TJP2: variants seen among roughly 807,000 people sequenced by gnomAD.
The protein encoded by TJP2 is Friedreich ataxia region gene X104 (tight junction protein ZO-2).
TJP2 carries 91 observed loss-of-function variants against 133.1 expected under a neutral mutation model. The observed-to-expected ratio is 0.68, with a 90% CI of 0.58 to 0.81. The LOEUF (loss-of-function observed/expected upper bound fraction) is 0.81. Among genes scored for constraint, TJP2 ranks in the 40% least tolerant of loss-of-function variants. TJP2 has a pLI of 0.00. For missense variants in TJP2, 1,541 were observed against 1,565.6 expected (o/e 0.98, Z 0.26); for synonymous variants, 592 against 583.4 (o/e 1.01, Z -0.21).
intron 17 of TJP2, among the ~76,000 whole-genome samples, chr9:69,245,253 A>T (rs547144290): frequency 9.2e-5 from 14 of 152,370 alleles, no homozygotes; most frequent in African/African-American, 2.9e-4. Flanking sequence ...TCACTGTTAG[A>T]ACTTCTTAAA....
chr9:69,161,088 C>G (rs1395437238), intron 2 of TJP2, among the ~76,000 whole-genome samples: 11 of 152,120 alleles, frequency 7.2e-5, no homozygotes, highest in Non-Finnish European at 1.6e-4. Flanking sequence ...GGTGTGGTCA[C>G]AAAAACCAAA....
intron 1 of TJP2, chr9:69,145,772 ACTT>A (rs1823186624): frequency 1.7e-5 from 21 of 1,231,978 alleles, no homozygotes; most frequent in Non-Finnish European, 2.0e-5. Context: ...ACAAAAGAGA[ACTT>A]CTACCTGAGA....
upstream of TJP2, among the ~76,000 whole-genome samples, chr9:69,169,919 G>A (rs754855035): frequency 2.0e-5 from 3 of 152,036 alleles, no homozygotes; most frequent in Non-Finnish European, 4.4e-5. Flanking sequence ...ATAGCTTACT[G>A]CAGCCTCAAA....
At chr9:69,145,797 G>A (rs997462574) in intron 1 of TJP2, 1 of 1,232,066 alleles carries the variant, frequency 8.1e-7, no homozygotes, top group Admixed American at 4.2e-5. Context: ...CAGAAGACAC[G>A]TGAACCTTTG....
In TJP2 at chr9:69,123,208, C is replaced by CT. The variant is rs1451615587; in HGVS notation, c.-131+1484dup. ...AATCTTTGTTTTGCCCACCAGGACA[C>CT]TCTACAGCCGCATGGGTTAGAGCAC... is the stretch of plus-strand genomic sequence containing the variant. On this transcript the variant is annotated intron_variant, in intron 1 of 5. Coordinates refer to the TJP2 transcript ENST00000423935. Among the ~76,000 whole-genome samples, 468 of 102,016 alleles carry CT rather than the reference C, an allele frequency of 4.6e-3. 37 individuals are homozygous for CT. Among genetic ancestry groups the CT allele is most frequent in the Admixed American group, 7.3e-3 (64 of 8,710 alleles). The allele number at this position is 102,016 out of a possible 152,430, so 66.9% of individuals were successfully genotyped here. A position where few individuals can be genotyped will look rare whatever the true frequency, so the allele number is the denominator to read the frequency against.
At chr9:69,188,723 T>C (rs7850766) in intron 1 of TJP2, among the ~76,000 whole-genome samples, 70,570 of 151,928 alleles carry the variant, frequency 0.46, 16,645 homozygotes, top group South Asian at 0.53. Flanking sequence ...AGGTATTAAG[T>C]GATTATGTAT....
upstream of TJP2, among the ~76,000 whole-genome samples, chr9:69,173,698 A>G (rs73449163): frequency 0.016 from 2,509 of 152,286 alleles, 60 homozygotes; most frequent in African/African-American, 0.057. Flanking sequence ...GACAGGACCT[A>G]AAACTTTGAG....
upstream of TJP2, among the ~76,000 whole-genome samples, chr9:69,173,801 G>T (rs1467258707): frequency 6.6e-6 from 1 of 152,092 alleles, no homozygotes; most frequent in East Asian, 1.9e-4. Flanking sequence ...GGATGCCCCC[G>T]CGACCTCACC....
chr9:69,169,965 C>T (rs747655332), upstream of TJP2, among the ~76,000 whole-genome samples: 4 of 152,090 alleles, frequency 2.6e-5, no homozygotes, highest in African/African-American at 7.2e-5. Context: ...CCTCAGTCCT[C>T]GAGTAGCTGG....
intron 1 of TJP2, among the ~76,000 whole-genome samples, chr9:69,142,403 C>G (rs182237069): frequency 2.6e-5 from 4 of 152,222 alleles, no homozygotes; most frequent in Admixed American, 2.6e-4. Flanking sequence ...GCTTTTCTTA[C>G]AGTGTATTGG....
chr9:69,141,869 G>T (rs751864753), intron 1 of TJP2, among the ~76,000 whole-genome samples: 1 of 152,234 alleles, frequency 6.6e-6, no homozygotes, highest in Admixed American at 6.5e-5. Flanking sequence ...GATTACAGGC[G>T]TGAGCCACAG....
intron 9 of TJP2, among the ~76,000 whole-genome samples, chr9:69,228,695 C>G (rs1829535829): frequency 6.6e-6 from 1 of 152,012 alleles, no homozygotes. Context: ...ATGGAAGAGG[C>G]CTTCCTTTCT....
At chr9:69,187,650 C>A (rs1394881439) in intron 1 of TJP2, among the ~76,000 whole-genome samples, 2 of 152,328 alleles carry the variant, frequency 1.3e-5, no homozygotes, top group Non-Finnish European at 1.5e-5. Context: ...TTCAGAAGAT[C>A]GGTGTGTTTT....
At chr9:69,225,702 T>A (rs1056080246) in intron 6 of TJP2, among the ~76,000 whole-genome samples, 21 of 152,232 alleles carry the variant, frequency 1.4e-4, no homozygotes, top group African/African-American at 4.6e-4. Context: ...GAAGGAAAGT[T>A]GGTGATATAT....
chr9:69,148,509 G>C (rs1329856010), intron 1 of TJP2, among the ~76,000 whole-genome samples: 2 of 137,816 alleles, frequency 1.5e-5, no homozygotes, highest in Non-Finnish European at 3.1e-5. Flanking sequence ...CAAGTAGCTG[G>C]GACTACAGAT....
intron 15 of TJP2, 95 bp from the exon 16 acceptor site, chr9:69,238,615 G>A (rs1830365043): frequency 2.2e-6 from 2 of 928,152 alleles, no homozygotes; most frequent in East Asian, 2.6e-5. Flanking sequence ...GACACTTAAT[G>A]TCAGGTGTGC....
rs561570618 is a variant in TJP2 at position 69,207,426 on chromosome 9, A to G, written c.61-5122A>G. 5.3e-5 allele frequency among the ~76,000 whole-genome samples: 8 copies of G among 152,230 alleles called. No homozygotes were observed. The East Asian group carries it at 1.5e-3, about 29-fold the overall frequency. On this transcript the variant is annotated intron_variant, in intron 1 of 22. Transcript: ENST00000377245. ...CATTGCAGTAAAACATTGTATTTTAATAATGTATCAATTTGTCCATCCTGC... is the reference window on the plus strand; with the variant it reads ...CATTGCAGTAAAACATTGTATTTTAGTAATGTATCAATTTGTCCATCCTGC...
intron 1 of TJP2, among the ~76,000 whole-genome samples, chr9:69,133,999 C>T (rs1231723044): frequency 6.6e-6 from 1 of 152,230 alleles, no homozygotes; most frequent in East Asian, 1.9e-4. Context: ...CCAAGTCCCT[C>T]GGACAGGATT....
chr9:69,238,856 T>C, intron 16 of TJP2, 67 bp downstream of exon 16: 3 of 1,300,346 alleles, frequency 2.3e-6, no homozygotes, highest in Middle Eastern at 1.8e-4. Context: ...GCAGTCACTT[T>C]TAGGATAGTA....
Sources: gnomAD v4.1 joint callset for allele counts (sites outside exome capture counted in the v4.1 genomes callset) on GRCh38, gnomAD v4.1.1 for gene constraint, MANE v1.5 for transcripts, NCBI Gene and HGNC (gene_info 2026-07-23, HGNC 2026-07-21) for gene names.